The following RAB40B variants were observed in gnomAD, a reference collection of about 807,000 sequenced individuals.
The protein encoded by RAB40B is RAB40B, member RAS oncogene family, also known as ras-related protein Rab-40B.
A neutral mutation model predicts 24.0 loss-of-function variants in RAB40B; 21 were observed. The observed-to-expected ratio is 0.88, with a 90% confidence interval of 0.62 to 1.26. RAB40B has a LOEUF of 1.26. Ranked by LOEUF, RAB40B falls within the 50% of genes most tolerant of loss-of-function variation. RAB40B has a pLI of 0.00. For synonymous variants in RAB40B, 167 were observed against 169.8 expected (o/e 0.98, Z 0.13); for missense variants, 348 against 390.5 (o/e 0.89, Z 0.92).
chr17:82,677,182 C>T (rs937602357), intron 1 of RAB40B, among the ~76,000 whole-genome samples: 3 of 143,998 alleles, frequency 2.1e-5, no homozygotes, highest in African/African-American at 7.8e-5. Context: ...CCCCTGACCT[C>T]GTGATCCACC....
At chr17:82,665,897 A>C (rs1443259342) in intron 1 of RAB40B, among the ~76,000 whole-genome samples, 53 of 151,948 alleles carry the variant, frequency 3.5e-4, no homozygotes, top group Non-Finnish European at 6.2e-4. Flanking sequence ...CAACAAAAAA[A>C]AAAAAAAAAA....
At chr17:82,695,907 G>C (rs1042631523) in intron 1 of RAB40B, among the ~76,000 whole-genome samples, 1 of 151,646 alleles carries the variant, frequency 6.6e-6, no homozygotes, top group Admixed American at 6.6e-5. Context: ...ACAGAATTTC[G>C]CTCTTGTTGC....
intron 1 of RAB40B, among the ~76,000 whole-genome samples, chr17:82,678,968 C>CG (rs1392176254): frequency 2.0e-5 from 3 of 148,362 alleles, no homozygotes; most frequent in Non-Finnish European, 4.4e-5. Flanking sequence ...CTGCAAGCTC[C>CG]GCCTCCCAGG....
intron 1 of RAB40B, among the ~76,000 whole-genome samples, chr17:82,669,779 T>C (rs1399226276): frequency 6.6e-6 from 1 of 152,190 alleles, no homozygotes; most frequent in African/African-American, 2.4e-5. Flanking sequence ...CAAAAATCTC[T>C]TCACAGTCCT....
chr17:82,687,244 T>C (rs1372657811), intron 1 of RAB40B, among the ~76,000 whole-genome samples: 1 of 152,250 alleles, frequency 6.6e-6, no homozygotes, highest in Non-Finnish European at 1.5e-5. Flanking sequence ...CCAGATGAAT[T>C]TTATTAATCT....
chr17:82,694,270 C>T (rs935934342), intron 1 of RAB40B, among the ~76,000 whole-genome samples: 3 of 151,508 alleles, frequency 2.0e-5, no homozygotes, highest in African/African-American at 7.3e-5. Context: ...TGGCTCACAC[C>T]TGTAATCCCA....
chr17:82,690,671 C>A (rs541738709), intron 1 of RAB40B, among the ~76,000 whole-genome samples: 2 of 137,364 alleles, frequency 1.5e-5, no homozygotes, highest in African/African-American at 5.6e-5. Context: ...AGAGTGTGCA[C>A]GTGTGTGCAG....
rs373804585 is a variant in RAB40B at position 82,657,646 on chromosome 17, T to G, written c.*217A>C. ...GTCGAGCAGAGTACTAATTTTCCCT[T>G]TACAAACACACATCGAAAACAAGAG... On this transcript the variant is annotated 3_prime_UTR_variant, in exon 6 of 6. Coordinates refer to ENST00000571995, the MANE Select transcript of RAB40B (RefSeq NM_006822.3). 1 of 689,088 alleles carries G rather than the reference T, an allele frequency of 1.5e-6. No homozygotes were observed. The highest frequency in any genetic ancestry group is 2.7e-6 in the Non-Finnish European group (1 of 376,598). 42.7% of individuals were successfully genotyped at this position (689,088 alleles called of 1,614,324 possible).
rs1413167765 is a variant in RAB40B, at chr17:82,697,849, C to T, written c.142+606G>A. 6.6e-6 allele frequency among the ~76,000 whole-genome samples: 1 copy of T among 152,230 alleles called. No individual in the cohort carries two copies. Among genetic ancestry groups the T allele is most frequent in the Non-Finnish European group, 1.5e-5 (1 of 68,034 alleles). On this transcript the variant is annotated intron_variant, in intron 1 of 5. Transcript: ENST00000571995. This position sits in a 1 kb window ranked among gnomAD's most constrained non-coding sequence, Gnocchi z 4.9. ...CTCCGGCCGCTGTCGTGGGGGGTCC[C>T]CTCTTCCGCACGCGAGTCACCTGTG... is the stretch of plus-strand genomic sequence containing the variant.
Position 82,658,544 on chromosome 17 carries a change from G to T in RAB40B, c.512C>A (p.Ala171Asp). Residue 171 changes from alanine to aspartate, a missense_variant, in exon 5 of 6, where the codon GCC becomes GAC. Coordinates refer to ENST00000571995, the MANE Select transcript of RAB40B (RefSeq NM_006822.3). Reference protein sequence around the residue: ...FNITESFTELARIVLLRHGMD... With the variant: ...FNITESFTELDRIVLLRHGMD... ...CCCATGCCGCAGCAGCACGATCCTG[G>T]CCAGCTCCGTGAACGACTCTGTGAT... 6.2e-7 allele frequency: 1 copy of T among 1,613,470 alleles called. No homozygotes were observed. Among genetic ancestry groups the T allele is most frequent in the Non-Finnish European group, 8.5e-7 (1 of 1,179,980 alleles).
intron 1 of RAB40B, among the ~76,000 whole-genome samples, chr17:82,698,165 T>C (rs2046631360): frequency 6.6e-6 from 1 of 151,814 alleles, no homozygotes; most frequent in African/African-American, 2.4e-5. Flanking sequence ...CGGAGAAGGA[T>C]GGAGACTGCG....
At chr17:82,659,700 A>T in intron 3 of RAB40B, 43 bp from the exon 4 acceptor site, 3 of 1,513,232 alleles carry the variant, frequency 2.0e-6, no homozygotes, top group Non-Finnish European at 2.8e-6. Flanking sequence ...ACACAGATGC[A>T]GGCACAGCTG....
intron 1 of RAB40B, among the ~76,000 whole-genome samples, chr17:82,691,795 T>G (rs1347974014): frequency 6.6e-6 from 1 of 152,210 alleles, no homozygotes; most frequent in African/African-American, 2.4e-5. Context: ...GGCCCTGCTG[T>G]GCCCCGACCA....
At chr17:82,683,805 C>CAAAAAAAAAAAAAAAAAAAAA (rs35145848) in intron 1 of RAB40B, among the ~76,000 whole-genome samples, 1 of 90,800 alleles carries the variant, frequency 1.1e-5, no homozygotes, top group Admixed American at 1.4e-4. Flanking sequence ...ACCCTGTTTC[C>CAAAAAAAAAAAAAAAAAAAAA]AAAAAAAAAA....
rs917629221 is a variant in RAB40B at position 82,679,523 on chromosome 17, C to T, written c.143-14967G>A. Among the ~76,000 whole-genome samples the T allele has an allele frequency of 4.0e-5, 6 of 151,562 alleles. No homozygotes were observed. In the East Asian group the frequency reaches 7.9e-4, roughly 20 times the overall value. On this transcript the variant is annotated intron_variant, in intron 1 of 5. Transcript: ENST00000571995. ...GTCTCGATCTCCTGATCTTGTGATC[C>T]GCCTTGGCCTCCCAAAGTGCTGGGA...
chr17:82,661,144 C>T (rs1459507308), intron 2 of RAB40B, 97 bp from the exon 3 acceptor site: 27 of 1,520,760 alleles, frequency 1.8e-5, no homozygotes, highest in Admixed American at 4.2e-5. Context: ...ACCACACACC[C>T]GCCAGTCAGC....
At chr17:82,680,149 T>C (rs1353636409) in intron 1 of RAB40B, among the ~76,000 whole-genome samples, 1 of 152,186 alleles carries the variant, frequency 6.6e-6, no homozygotes, top group Non-Finnish European at 1.5e-5. Context: ...GTTCGAGGGC[T>C]CAACTCAGGC....
intron 1 of RAB40B, among the ~76,000 whole-genome samples, chr17:82,676,779 C>T (rs953005247): frequency 2.0e-5 from 3 of 152,022 alleles, no homozygotes; most frequent in Non-Finnish European, 2.9e-5. Flanking sequence ...AGATGCCCGC[C>T]ATCACACCTG....
At chr17:82,679,530 G>T (rs998941684) in intron 1 of RAB40B, among the ~76,000 whole-genome samples, 25 of 152,070 alleles carry the variant, frequency 1.6e-4, no homozygotes, top group African/African-American at 4.8e-4. Flanking sequence ...ATCCGCCTTG[G>T]CCTCCCAAAG....
Sources: allele counts gnomAD v4.1 joint callset (sites outside exome capture counted in the v4.1 genomes callset), GRCh38; gene constraint gnomAD v4.1.1; non-coding constraint Gnocchi (gnomAD v3.1); transcripts MANE v1.5; gene names NCBI Gene and HGNC (gene_info 2026-07-23, HGNC 2026-07-21).